Variants in GREB1 observed in about 807,000 individuals in gnomAD.
The protein encoded by GREB1 is growth regulating estrogen receptor binding 1.
Under a neutral mutation model 200.7 loss-of-function variants are expected in GREB1, and 106 were observed. The ratio of observed to expected loss-of-function variants is 0.53; its 90% confidence interval spans 0.45 to 0.62. The LOEUF (loss-of-function observed/expected upper bound fraction) is 0.62, where lower values mean the gene tolerates loss of function less well. Among genes scored for constraint, GREB1 ranks in the 20% least tolerant of loss-of-function variants. GREB1 has a pLI of 0.00. For synonymous variants in GREB1, 1,132 were observed against 1,092.4 expected (o/e 1.04, Z -0.72); for missense variants, 2,243 against 2,556.8 (o/e 0.88, Z 2.65).
At chr2:11,558,249 C>G (rs6728828) in intron 2 of GREB1, among the ~76,000 whole-genome samples, 113,062 of 152,120 alleles carry the variant, frequency 0.74, 42,400 homozygotes, top group African/African-American at 0.85. Flanking sequence ...CTGCCCACAG[C>G]GGGAGAGAGG....
Position 11,483,130 on chromosome 2 carries a change from C to T in GREB1, c.-159+749C>T, listed in dbSNP as rs1672548260. 3.3e-5 allele frequency among the ~76,000 whole-genome samples: 5 copies of T among 152,160 alleles called. No homozygotes were observed. In the South Asian group the frequency reaches 1.0e-3, roughly 31 times the overall value. On this transcript the variant is annotated intron_variant, in intron 1 of 2. Transcript: ENST00000628795. ...GAGGTGGAAGGTGTCCGGGATCGGCCCTGGCAGCGTGTAGGGACCTGGGTG... is the reference window on the plus strand; with the variant it reads ...GAGGTGGAAGGTGTCCGGGATCGGCTCTGGCAGCGTGTAGGGACCTGGGTG...
intron 1 of GREB1, among the ~76,000 whole-genome samples, chr2:11,490,603 C>T (rs1303701584): frequency 1.3e-5 from 2 of 152,192 alleles, no homozygotes; most frequent in East Asian, 3.8e-4. Context: ...GGCTGGAGTG[C>T]AGTGGTGCCA....
At chr2:11,496,056 T>G (rs1347639063) in intron 1 of GREB1, among the ~76,000 whole-genome samples, 3 of 152,162 alleles carry the variant, frequency 2.0e-5, no homozygotes, top group African/African-American at 7.2e-5. Flanking sequence ...ACTGTGAAGC[T>G]GGCTCTCCTT....
chr2:11,483,687 G>GGTGTGTGT (rs57352590), intron 1 of GREB1, among the ~76,000 whole-genome samples: 84 of 132,386 alleles, frequency 6.3e-4, no homozygotes, highest in East Asian at 2.4e-3. Flanking sequence ...TACAAGAAGG[G>GGTGTGTGT]GTGTGTGTGT....
chr2:11,624,820 A>T (rs1558655487), intron 23 of GREB1, among the ~76,000 whole-genome samples: 1 of 150,910 alleles, frequency 6.6e-6, no homozygotes, highest in African/African-American at 2.4e-5. Flanking sequence ...TATTTTTGCA[A>T]TTTTTTTTTT....
At chr2:11,611,700 A>G (rs1355205501) in intron 18 of GREB1, among the ~76,000 whole-genome samples, 2 of 152,124 alleles carry the variant, frequency 1.3e-5, no homozygotes, top group Non-Finnish European at 2.9e-5. Context: ...CCTGTCATCT[A>G]GCCCCTCTCC....
Position 11,505,849 on chromosome 2 carries a change from G to GA in GREB1, c.-159+23478dup, listed in dbSNP as rs371089698. 3.5e-3 allele frequency among the ~76,000 whole-genome samples: 513 copies of GA among 147,956 alleles called. 4 individuals carry two copies. Among genetic ancestry groups the GA allele is most frequent in the African/African-American group, 0.011 (446 of 40,474 alleles). On this transcript the variant is annotated intron_variant, in intron 1 of 2. Coordinates refer to the GREB1 transcript ENST00000628795. ...GAAACAGAGCAAGACCCTGTTTTGG[G>GA]AAAAAAAAAAGTGTTCAAACTAACT...
intron 1 of GREB1, among the ~76,000 whole-genome samples, chr2:11,541,749 C>T (rs990900287): frequency 2.6e-5 from 4 of 152,168 alleles, no homozygotes; most frequent in Non-Finnish European, 5.9e-5. Context: ...TAATTTCAAA[C>T]ACCTTAGCAG....
In GREB1 at chr2:11,578,331, T is replaced by C. The variant is rs1679095240; in HGVS notation, c.672T>C (p.Cys224=). The C allele has an allele frequency of 5.6e-6, 9 of 1,614,128 alleles. No individual in the cohort carries two copies. The highest frequency in any genetic ancestry group is 7.6e-6 in the Non-Finnish European group (9 of 1,179,994). Residue 224 remains cysteine (C), a synonymous_variant, in exon 6 of 33, where the codon TGT becomes TGC. Coordinates refer to ENST00000381486, the MANE Select transcript of GREB1 (RefSeq NM_014668.4). ...GCCGGCAGATCCCCGCCAGTACTTG[T>C]TCCAGTTCCCTCTTCCCAGCCCTGG... ...FRSRQIPAST[C]SSSLFPALES...
chr2:11,625,289 A>G lies in GREB1; in HGVS notation c.4283A>G (p.His1428Arg), dbSNP rs774315241. The part of the protein sequence containing the change: ...KYEDASLICS[H>R]YQGIKSEDRG... Reference sequence around the variant, plus strand: ...GAAGATGCCAGCCTGATTTGTTCGCACTATCAGGGTATAAAGAGTGAAGGT... The same window carrying G: ...GAAGATGCCAGCCTGATTTGTTCGCGCTATCAGGGTATAAAGAGTGAAGGT... Residue 1428 changes from histidine (H) to arginine (R), a missense_variant, in exon 24 of 33, where the codon CAC becomes CGC. By Grantham distance (29) the His-to-Arg change is conservative. Coordinates refer to ENST00000381486, the MANE Select transcript of GREB1 (RefSeq NM_014668.4). 6 of 1,614,186 alleles carry G rather than the reference A, an allele frequency of 3.7e-6. No individual in the cohort carries two copies. Among genetic ancestry groups the G allele is most frequent in the East Asian group, 2.2e-5 (1 of 44,886 alleles).
intron 7 of GREB1, 123 bp from the exon 8 acceptor site, chr2:11,585,038 G>T (rs1318258087): frequency 1.9e-6 from 1 of 516,482 alleles, no homozygotes; most frequent in South Asian, 4.0e-5. Flanking sequence ...TAAAACCCAC[G>T]TGAATCTGTG....
At chr2:11,509,041 A>G (rs950026927) in intron 1 of GREB1, among the ~76,000 whole-genome samples, 17 of 151,438 alleles carry the variant, frequency 1.1e-4, no homozygotes, top group African/African-American at 4.1e-4. Flanking sequence ...CGCCCGGCTA[A>G]TTTTTTTGTA....
intron 7 of GREB1, among the ~76,000 whole-genome samples, chr2:11,582,953 G>A (rs1572804587): frequency 6.6e-6 from 1 of 152,322 alleles, no homozygotes; most frequent in East Asian, 1.9e-4. Flanking sequence ...CCCAGGCCCA[G>A]GGTCTTACTG....
chr2:11,496,413 C>T (rs1274463203), intron 1 of GREB1, among the ~76,000 whole-genome samples: 1 of 152,084 alleles, frequency 6.6e-6, no homozygotes, highest in East Asian at 1.9e-4. Context: ...TTGGATGCTC[C>T]CTTCTAATCC....
intron 4 of GREB1, among the ~76,000 whole-genome samples, chr2:11,569,984 G>T (rs1040373569): frequency 6.6e-6 from 1 of 152,176 alleles, no homozygotes; most frequent in Admixed American, 6.5e-5. Flanking sequence ...CTTCTTTAAA[G>T]GTTACCAACA....
intron 1 of GREB1, among the ~76,000 whole-genome samples, chr2:11,515,345 T>C (rs1303884804): frequency 6.6e-6 from 1 of 152,124 alleles, no homozygotes; most frequent in African/African-American, 2.4e-5. Flanking sequence ...GAGAGGAAAA[T>C]GTGCTAAGTA....
chr2:11,601,687 A>G (rs1156919987), intron 16 of GREB1, among the ~76,000 whole-genome samples: 1 of 152,236 alleles, frequency 6.6e-6, no homozygotes, highest in Non-Finnish European at 1.5e-5. Flanking sequence ...GCCATTGTTC[A>G]TAAGGCACTT....
chr2:11,589,281 A>G (rs1181834445), intron 10 of GREB1, among the ~76,000 whole-genome samples: 1 of 152,226 alleles, frequency 6.6e-6, no homozygotes, highest in Admixed American at 6.5e-5. Context: ...AGATGGGTGC[A>G]TGCATTAGTG....
chr2:11,614,624 C>T (rs1683230339), intron 19 of GREB1, among the ~76,000 whole-genome samples: 1 of 151,718 alleles, frequency 6.6e-6, no homozygotes, highest in African/African-American at 2.4e-5. Flanking sequence ...ATTGCAGTGA[C>T]ACAATCTCGG....
Sources: gnomAD v4.1 joint callset for allele counts (sites outside exome capture counted in the v4.1 genomes callset) on GRCh38, gnomAD v4.1.1 for gene constraint, MANE v1.5 for transcripts, NCBI Gene and HGNC (gene_info 2026-07-23, HGNC 2026-07-21) for gene names.